The following LAMA2 variants were observed in gnomAD, a reference collection of about 807,000 sequenced individuals.
LAMA2 encodes the protein laminin subunit alpha 2.
A neutral mutation model predicts 364.8 loss-of-function variants in LAMA2; 269 were observed. That is an observed-to-expected ratio of 0.74 (90% CI 0.67 to 0.82). The LOEUF (loss-of-function observed/expected upper bound fraction) is 0.82. Among genes scored for constraint, LAMA2 ranks in the 40% least tolerant of loss-of-function variants. The pLI, the probability that LAMA2 is intolerant of heterozygous loss-of-function variation, is 0.00. For missense variants in LAMA2, 3,807 were observed against 3,873.2 expected, an observed-to-expected ratio of 0.98 and a Z score of 0.45; for synonymous variants, 1,379 against 1,370.6, an observed-to-expected ratio of 1.01 and a Z score of -0.14.
At chr6:129,051,095 T>A (rs1787966725) in intron 2 of LAMA2, among the ~76,000 whole-genome samples, 1 of 151,734 alleles carries the variant, frequency 6.6e-6, no homozygotes, top group Admixed American at 6.6e-5. Context: ...GATTTCTGGC[T>A]AAGAAATCTT....
intron 18 of LAMA2, among the ~76,000 whole-genome samples, chr6:129,287,410 C>T (rs57008513): frequency 0.17 from 25,109 of 151,982 alleles, 2,207 homozygotes; most frequent in South Asian, 0.2. Flanking sequence ...AATTTCCTTG[C>T]GAGCCTGTTT....
At chr6:129,275,295 T>TG (rs1032411396) in intron 17 of LAMA2, among the ~76,000 whole-genome samples, 1 of 152,008 alleles carries the variant, frequency 6.6e-6, no homozygotes, top group Non-Finnish European at 1.5e-5. Flanking sequence ...GAGATTATGA[T>TG]GGGTCTTCCT....
chr6:129,222,649 A>G (rs533429232), intron 12 of LAMA2, among the ~76,000 whole-genome samples: 66 of 151,992 alleles, frequency 4.3e-4, no homozygotes, highest in African/African-American at 1.5e-3. Context: ...AGCTTCATCC[A>G]TGTCCCTACA....
chr6:129,302,945 T>C (rs1773637460), intron 22 of LAMA2, among the ~76,000 whole-genome samples: 1 of 152,150 alleles, frequency 6.6e-6, no homozygotes, highest in African/African-American at 2.4e-5. Flanking sequence ...TTAGCTCCTT[T>C]ACATTTCCAC....
intron 4 of LAMA2, among the ~76,000 whole-genome samples, chr6:129,100,705 G>A (rs1005877403): frequency 6.6e-6 from 1 of 152,160 alleles, no homozygotes; most frequent in African/African-American, 2.4e-5. Context: ...TGGATCTAAT[G>A]TAAGTAGAAA....
intron 49 of LAMA2, 37 bp from the exon 50 acceptor site, chr6:129,464,253 A>T (rs760890886): frequency 1.3e-6 from 2 of 1,561,730 alleles, no homozygotes; most frequent in Admixed American, 3.3e-5. Context: ...GACTGAATAG[A>T]TATGATCTGA....
At chr6:129,488,239 GA>G (rs1278542928) in intron 56 of LAMA2, among the ~76,000 whole-genome samples, 2 of 152,100 alleles carry the variant, frequency 1.3e-5, no homozygotes, top group African/African-American at 4.8e-5. Context: ...AAACCAGGGG[GA>G]CAGAGGTTTC....
At chr6:129,036,195 G>C (rs967923352) in intron 1 of LAMA2, among the ~76,000 whole-genome samples, 3 of 151,966 alleles carry the variant, frequency 2.0e-5, no homozygotes, top group African/African-American at 7.2e-5. Context: ...ATCAATTCCT[G>C]GTAGAGATCT....
chr6:129,064,211 TA>T (rs916747236), intron 3 of LAMA2, among the ~76,000 whole-genome samples: 1 of 151,788 alleles, frequency 6.6e-6, no homozygotes, highest in Non-Finnish European at 1.5e-5. Flanking sequence ...AAGAGAAATT[TA>T]AAAATAACTT....
At chr6:129,274,543 T>A (rs1260817245) in intron 17 of LAMA2, among the ~76,000 whole-genome samples, 3 of 152,032 alleles carry the variant, frequency 2.0e-5, no homozygotes, top group Non-Finnish European at 4.4e-5. Context: ...CACAAGCATT[T>A]TGGCTCCAAA....
At chr6:129,231,381 A>G (rs1784659703) in intron 12 of LAMA2, among the ~76,000 whole-genome samples, 2 of 152,122 alleles carry the variant, frequency 1.3e-5, no homozygotes, top group East Asian at 1.9e-4. Context: ...TTTGGAATGT[A>G]TTAAGTGTTC....
At chr6:128,957,836 A>ATTTTTTTTTTTTTTTTTTTT (rs10652900) in intron 1 of LAMA2, among the ~76,000 whole-genome samples, 5 of 51,264 alleles carry the variant, frequency 9.8e-5, no homozygotes, top group African/African-American at 2.4e-4. Flanking sequence ...TACTTCATGC[A>ATTTTTTTTTTTTTTTTTTTT]TTTTTTTTTT....
chr6:129,154,445 G>C (rs1190151155), intron 7 of LAMA2, 60 bp from the exon 8 acceptor site: 4 of 1,452,276 alleles, frequency 2.8e-6, no homozygotes, highest in Non-Finnish European at 3.8e-6. Context: ...TAACAGAAAT[G>C]ATTTTTAAAT....
chr6:129,143,789 G>A (rs1478199600), intron 4 of LAMA2, 112 bp from the exon 5 acceptor site: 39 of 769,418 alleles, frequency 5.1e-5, no homozygotes, highest in Admixed American at 4.5e-4. Flanking sequence ...CTGAATCTGC[G>A]TAACTAATTG....
chr6:128,995,297 C>T (rs929719579), intron 1 of LAMA2, among the ~76,000 whole-genome samples: 1 of 152,094 alleles, frequency 6.6e-6, no homozygotes, highest in African/African-American at 2.4e-5. Context: ...ATGAATCTGT[C>T]ATTCAGGTAG....
intron 1 of LAMA2, among the ~76,000 whole-genome samples, chr6:128,966,859 T>G (rs1210301202): frequency 6.6e-6 from 1 of 152,222 alleles, no homozygotes; most frequent in Non-Finnish European, 1.5e-5. Flanking sequence ...AAGTACTATA[T>G]GCAGGAATAC....
intron 52 of LAMA2, 43 bp downstream of exon 52, chr6:129,473,395 A>C (rs756993844): frequency 2.6e-6 from 4 of 1,567,296 alleles, no homozygotes; most frequent in Non-Finnish European, 3.5e-6. Flanking sequence ...AGTTTTAATT[A>C]AATGACCACT....
intron 16 of LAMA2, among the ~76,000 whole-genome samples, chr6:129,268,788 G>A (rs948615660): frequency 5.3e-5 from 8 of 151,998 alleles, no homozygotes; most frequent in African/African-American, 1.9e-4. Context: ...GACAGAATCT[G>A]GTGTTTCCTG....
At position 129,314,576 on chromosome 6, in the gene LAMA2, C is replaced by T. The variant is rs368765545; in HGVS notation, c.3412-79C>T. ...TTTTAAATTTTTTAAAAAGAGTATG[C>T]TCCCGTTATGCATTCTCAGGGTGAT... On this transcript the variant is annotated intron_variant, in intron 23 of 64. Coordinates refer to ENST00000421865, the MANE Select transcript of LAMA2 (RefSeq NM_000426.4). 123 of 1,334,822 alleles carry T rather than the reference C, an allele frequency of 9.2e-5. No homozygotes were observed. The South Asian group carries it at 1.3e-3, about 15-fold the overall frequency. 82.7% of individuals were successfully genotyped at this position (1,334,822 alleles called of 1,614,324 possible).
Sources: gnomAD v4.1 joint callset for allele counts (sites outside exome capture counted in the v4.1 genomes callset) on GRCh38, gnomAD v4.1.1 for gene constraint, MANE v1.5 for transcripts, NCBI Gene and HGNC (gene_info 2026-07-23, HGNC 2026-07-21) for gene names.